KCNH1: variants seen among roughly 807,000 people sequenced by gnomAD.
KCNH1 encodes the protein voltage-gated delayed rectifier potassium channel KCNH1.
KCNH1 carries 27 observed loss-of-function variants against 69.2 expected under a neutral mutation model. The ratio of observed to expected loss-of-function variants is 0.39; its 90% CI spans 0.29 to 0.54. The LOEUF (loss-of-function observed/expected upper bound fraction) is 0.54. Ranked by LOEUF, KCNH1 falls within the 20% of genes least tolerant of loss-of-function variation. The pLI is 0.68. For synonymous variants in KCNH1, 456 were observed against 487.7 expected, an observed-to-expected ratio of 0.93 and a Z score of 0.86; for missense variants, 798 against 1,261.6, an observed-to-expected ratio of 0.63 and a Z score of 5.57.
At chr1:210,861,008 G>A in intron 7 of KCNH1, 1 of 1,058,256 alleles carries the variant, frequency 9.4e-7, no homozygotes, top group Non-Finnish European at 1.5e-6. Flanking sequence ...TCAAAGGTCA[G>A]CATTGGGTTC....
At chr1:210,751,059 GT>G (rs898645488) in intron 10 of KCNH1, among the ~76,000 whole-genome samples, 31 of 152,338 alleles carry the variant, frequency 2.0e-4, no homozygotes, top group African/African-American at 7.2e-4. Context: ...GCTGGTAGGA[GT>G]TTCCTAGGCA....
At chr1:210,897,070 C>A (rs1022330459) in intron 7 of KCNH1, among the ~76,000 whole-genome samples, 1 of 152,174 alleles carries the variant, frequency 6.6e-6, no homozygotes, top group African/African-American at 2.4e-5. Flanking sequence ...GGCTTTGCTC[C>A]ACTCACAATG....
chr1:210,849,853 A>G (rs1255105444), intron 7 of KCNH1, among the ~76,000 whole-genome samples: 2 of 152,162 alleles, frequency 1.3e-5, no homozygotes, highest in African/African-American at 4.8e-5. Context: ...ACTGTCTGTG[A>G]TTTAAGTGTA....
chr1:211,031,035 G>A (rs945274363), intron 5 of KCNH1, among the ~76,000 whole-genome samples: 7 of 152,044 alleles, frequency 4.6e-5, no homozygotes, highest in African/African-American at 7.2e-5. Flanking sequence ...AAGCTACACT[G>A]CGATATTACT....
chr1:211,094,395 G>A (rs150158317), intron 3 of KCNH1, among the ~76,000 whole-genome samples: 1 of 152,294 alleles, frequency 6.6e-6, no homozygotes, highest in East Asian at 1.9e-4. Context: ...CTGGGAGCTA[G>A]GGACCCCTGC....
intron 9 of KCNH1, among the ~76,000 whole-genome samples, chr1:210,783,939 A>C (rs1401146813): frequency 1.3e-5 from 2 of 152,240 alleles, no homozygotes; most frequent in Non-Finnish European, 2.9e-5. Context: ...TGCTCTAAGA[A>C]AAAGCATGAG....
chr1:210,865,499 A>T (rs1359312240), intron 7 of KCNH1, among the ~76,000 whole-genome samples: 2 of 152,306 alleles, frequency 1.3e-5, no homozygotes, highest in East Asian at 3.9e-4. Context: ...GTTCTAGGGC[A>T]GTAGGAATAA....
At chr1:210,804,289 A>T in intron 7 of KCNH1, 123 bp from the exon 8 acceptor site, 2 of 734,214 alleles carry the variant, frequency 2.7e-6, no homozygotes, top group Non-Finnish European at 4.5e-6. Context: ...CCCAGTGCAG[A>T]CTGCCCTGAC....
intron 10 of KCNH1, among the ~76,000 whole-genome samples, chr1:210,734,207 G>A (rs972499223): frequency 1.3e-5 from 2 of 152,190 alleles, no homozygotes; most frequent in Non-Finnish European, 2.9e-5. Context: ...TAAACTAGGG[G>A]AGTGACGGCA....
At chr1:211,132,375 C>G (rs1010588526) in intron 1 of KCNH1, among the ~76,000 whole-genome samples, 7 of 152,150 alleles carry the variant, frequency 4.6e-5, no homozygotes, top group African/African-American at 1.7e-4. Flanking sequence ...CAATTATCAT[C>G]CCCTTGCATC....
At chr1:211,110,461 G>T (rs1449884891) in intron 1 of KCNH1, among the ~76,000 whole-genome samples, 1 of 152,078 alleles carries the variant, frequency 6.6e-6, no homozygotes, top group African/African-American at 2.4e-5. Flanking sequence ...TAAAGGTATG[G>T]CAGGAAAGGG....
At chr1:211,089,950 C>A (rs1268550021) in intron 4 of KCNH1, among the ~76,000 whole-genome samples, 1 of 152,174 alleles carries the variant, frequency 6.6e-6, no homozygotes, top group Non-Finnish European at 1.5e-5. Flanking sequence ...TTTCCTGGGT[C>A]CCCCATGTTA....
At chr1:211,032,583 A>G (rs1689809461) in intron 5 of KCNH1, among the ~76,000 whole-genome samples, 1 of 152,232 alleles carries the variant, frequency 6.6e-6, no homozygotes, top group African/African-American at 2.4e-5. Flanking sequence ...GATGCAACAG[A>G]ACAGAGCCCT....
chr1:210,784,432 C>T (rs982492271), intron 9 of KCNH1, among the ~76,000 whole-genome samples: 5 of 152,184 alleles, frequency 3.3e-5, no homozygotes, highest in African/African-American at 1.2e-4. Context: ...CTTGTTTTCG[C>T]ATGTAAGTAG....
At chr1:210,697,585 G>T (rs1336604786) in intron 10 of KCNH1, among the ~76,000 whole-genome samples, 1 of 152,266 alleles carries the variant, frequency 6.6e-6, no homozygotes, top group Non-Finnish European at 1.5e-5. Flanking sequence ...CAAGTAATTT[G>T]TTTCTCAAAC....
intron 5 of KCNH1, among the ~76,000 whole-genome samples, chr1:211,046,518 A>AT (rs1183951421): frequency 6.6e-6 from 1 of 152,072 alleles, no homozygotes; most frequent in African/African-American, 2.4e-5. Context: ...AGTTCATTTC[A>AT]TTTTCACAAC....
chr1:210,901,889 T>C (rs973237523), intron 7 of KCNH1, among the ~76,000 whole-genome samples: 3 of 152,184 alleles, frequency 2.0e-5, no homozygotes, highest in Non-Finnish European at 4.4e-5. Flanking sequence ...GTATCTCCTA[T>C]AGCTTGGAAT....
At position 211,075,194 on chromosome 1, in the gene KCNH1, C is replaced by G. The variant is rs189866428; in HGVS notation, c.558+7586G>C. Among the ~76,000 whole-genome samples the G allele has an allele frequency of 3.5e-3, 536 of 152,286 alleles. 5 individuals are homozygous for G. The highest frequency in any genetic ancestry group is 0.012 in the African/African-American group (515 of 41,546). On this transcript the variant is annotated intron_variant, in intron 5 of 10. Coordinates refer to ENST00000271751, the MANE Select transcript of KCNH1 (RefSeq NM_172362.3). ...TGAAAGGTCTCCTTTAGTATCCTTTCTATCATCAGCCAAGCCCACATCATG... is the reference window on the plus strand; with the variant it reads ...TGAAAGGTCTCCTTTAGTATCCTTTGTATCATCAGCCAAGCCCACATCATG...
intron 5 of KCNH1, among the ~76,000 whole-genome samples, chr1:211,028,345 T>C (rs1478282084): frequency 1.3e-5 from 2 of 151,906 alleles, no homozygotes; most frequent in Non-Finnish European, 1.5e-5. Context: ...CACTAAATGT[T>C]TACCTAAGAC....
Sources: allele counts gnomAD v4.1 joint callset (sites outside exome capture counted in the v4.1 genomes callset), GRCh38; gene constraint gnomAD v4.1.1; transcripts MANE v1.5; gene names NCBI Gene and HGNC (gene_info 2026-07-23, HGNC 2026-07-21).